The following SERPINB9 variants were observed in gnomAD, a reference collection of about 807,000 sequenced individuals.
SERPINB9 encodes the protein serpin B9.
A neutral mutation model predicts 27.2 loss-of-function variants in SERPINB9; 20 were observed. The ratio of observed to expected loss-of-function variants is 0.74; its 90% CI spans 0.52 to 1.07. SERPINB9 has a LOEUF of 1.07. SERPINB9 is among the 50% of genes least tolerant of loss of function. SERPINB9 has a pLI of 0.00. For missense variants in SERPINB9, 476 were observed against 460.1 expected (o/e 1.03, Z -0.32); for synonymous variants, 189 against 180.0 (o/e 1.05, Z -0.40).
chr6:2,895,664 G>A (rs1018503237), intron 3 of SERPINB9, among the ~76,000 whole-genome samples, 156 bp from the exon 4 acceptor site: 1 of 152,104 alleles, frequency 6.6e-6, no homozygotes, highest in African/African-American at 2.4e-5. Context: ...ATCAGAGTTT[G>A]TGAATAGGTA....
intron 2 of SERPINB9, 105 bp downstream of exon 2, chr6:2,900,339 C>T: frequency 7.1e-7 from 1 of 1,414,318 alleles, no homozygotes; most frequent in Non-Finnish European, 9.7e-7. Context: ...ACTCGGGCCC[C>T]AGTCCTGCCC....
intron 2 of SERPINB9, among the ~76,000 whole-genome samples, chr6:2,898,294 C>A (rs975788627): frequency 6.6e-6 from 1 of 152,108 alleles, no homozygotes; most frequent in Non-Finnish European, 1.5e-5. Flanking sequence ...ACTAAATTTA[C>A]TTTAGACAGC....
intron 2 of SERPINB9, among the ~76,000 whole-genome samples, chr6:2,896,711 A>G (rs778074559): frequency 1.3e-5 from 2 of 152,266 alleles, no homozygotes; most frequent in Non-Finnish European, 2.9e-5. Flanking sequence ...AGAATTATAT[A>G]GATCATATTC....
chr6:2,900,279 G>A (rs1369964503), intron 2 of SERPINB9, among the ~76,000 whole-genome samples, 165 bp downstream of exon 2: 1 of 151,954 alleles, frequency 6.6e-6, no homozygotes, highest in East Asian at 1.9e-4. Context: ...TCCCTGCCCT[G>A]CCCCACTTCT....
intron 2 of SERPINB9, among the ~76,000 whole-genome samples, chr6:2,899,463 G>T (rs982143828): frequency 1.3e-5 from 2 of 152,114 alleles, no homozygotes; most frequent in Middle Eastern, 3.2e-3. Flanking sequence ...CATCACCTTC[G>T]TTATTGATCT....
chr6:2,889,973 G>A lies in SERPINB9; in HGVS notation c.*190C>T. Reference sequence around the variant, plus strand: ...GAATCATTATGGTCTATTTTCTCAAGATTCTGATTAAGTAGCATAAGCGAG... The same window carrying A: ...GAATCATTATGGTCTATTTTCTCAAAATTCTGATTAAGTAGCATAAGCGAG... On this transcript the variant is annotated 3_prime_UTR_variant, in exon 7 of 7. Coordinates refer to ENST00000380698, the MANE Select transcript of SERPINB9 (RefSeq NM_004155.6). 2.0e-6 allele frequency: 1 copy of A among 498,922 alleles called. No homozygotes were observed. Among genetic ancestry groups the A allele is most frequent in the African/African-American group, 1.9e-5 (1 of 53,160 alleles). The allele number at this position is 498,922 out of a possible 1,614,324, so 30.9% of individuals were successfully genotyped here.
chr6:2,887,488 A>G lies in SERPINB9; in HGVS notation c.*2675T>C, dbSNP rs1767637513. On this transcript the variant is annotated 3_prime_UTR_variant, in exon 7 of 7. Transcript: ENST00000380698. ...CATAGAACACTTTCACCACTAATAAAAGAAATGCAATAAGTATCTGCATAT... is the reference window on the plus strand; with the variant it reads ...CATAGAACACTTTCACCACTAATAAGAGAAATGCAATAAGTATCTGCATAT... 1 of 152,218 alleles carries G rather than the reference A, an allele frequency of 6.6e-6. No individual in the cohort carries two copies. Among genetic ancestry groups the G allele is most frequent in the Admixed American group, 6.5e-5 (1 of 15,286 alleles). The allele number at this position is 152,218 out of a possible 1,614,324, so 9.4% of individuals were successfully genotyped here.
intron 2 of SERPINB9, among the ~76,000 whole-genome samples, chr6:2,897,468 AAAAC>A (rs143073430): frequency 1.7e-4 from 26 of 152,320 alleles, no homozygotes; most frequent in East Asian, 1.2e-3. Flanking sequence ...TCCTTCTCAA[AAAAC>A]AAACAAACAA....
chr6:2,900,450 C>T lies in SERPINB9; in HGVS notation c.162G>A (p.Met54Ile), dbSNP rs770178689. The T allele has an allele frequency of 5.5e-5, 88 of 1,613,838 alleles. No individual in the cohort carries two copies. The highest frequency in any genetic ancestry group is 7.4e-5 in the Non-Finnish European group (87 of 1,179,976). The change falls in exon 2 of 7, where the codon ATG becomes ATA. Residue 54 changes from methionine to isoleucine, a missense_variant. Transcript: ENST00000380698. Reference protein sequence around the residue: ...LGAKGNTATQMAQALSLNTEE... With the variant: ...LGAKGNTATQIAQALSLNTEE... ...GGCGGACGGGCAAGCTTACCTGGGC[C>T]ATCTGGGTTGCGGTGTTTCCCTTTG... is the stretch of plus-strand genomic sequence containing the variant.
intron 2 of SERPINB9, among the ~76,000 whole-genome samples, chr6:2,896,859 G>T (rs1768016260): frequency 6.6e-6 from 1 of 152,094 alleles, no homozygotes; most frequent in Non-Finnish European, 1.5e-5. Flanking sequence ...ACTTTTCTAG[G>T]CCAGGCACAG....
intron 1 of SERPINB9, among the ~76,000 whole-genome samples, chr6:2,900,887 A>T (rs2580114): frequency 1.4e-3 from 56 of 41,286 alleles, no homozygotes; most frequent in East Asian, 4.5e-3. Flanking sequence ...TCGCTCTCTC[A>T]CACACACACA....
In SERPINB9 at chr6:2,893,409, A is replaced by C. The variant is rs867963356; in HGVS notation, c.567+2T>G. On this transcript the variant is annotated splice_donor_variant, in intron 5 of 6. Transcript: ENST00000380698. LOFTEE classifies it high-confidence loss of function. ...AGCAGGATTTTAAAAAGCTTCCCCC[A>C]CCTGGTTTATTTTAAAGGGCATTTC... 6.3e-7 allele frequency: 1 copy of C among 1,599,170 alleles called. No individual in the cohort carries two copies. The highest frequency in any genetic ancestry group is 1.3e-5 in the African/African-American group (1 of 74,266).
intron 2 of SERPINB9, among the ~76,000 whole-genome samples, chr6:2,898,152 A>G (rs1321231289): frequency 6.6e-6 from 1 of 152,136 alleles, no homozygotes; most frequent in Non-Finnish European, 1.5e-5. Context: ...AAAAAAAAAT[A>G]AGAGGGAGAG....
In SERPINB9 at chr6:2,890,429, T is replaced by C. The variant is rs761548560; in HGVS notation, c.865A>G (p.Ile289Val). ...DMESVLRHLGIVDAFQQGKAD... is the reference protein window; with the variant it reads ...DMESVLRHLGVVDAFQQGKAD... Reference sequence around the variant, plus strand: ...TTGCCCTGTTGGAAGGCATCAACAATTCCCAAATGCCGAAGCACAGATTCC... The same window carrying C: ...TTGCCCTGTTGGAAGGCATCAACAACTCCCAAATGCCGAAGCACAGATTCC... The change falls in exon 7 of 7, where the codon ATT becomes GTT. Residue 289 changes from isoleucine (I) to valine (V), a missense_variant. Transcript: ENST00000380698. This position sits in a 1 kb window ranked among gnomAD's most constrained non-coding sequence, Gnocchi z 6.2. 1.1e-5 allele frequency: 18 copies of C among 1,614,090 alleles called. No homozygotes were observed. The highest frequency in any genetic ancestry group is 6.7e-5 in the Admixed American group (4 of 60,004).
chr6:2,895,463 C>T lies in SERPINB9; in HGVS notation c.352G>A (p.Glu118Lys), dbSNP rs1264599935. The change falls in exon 4 of 7, where the codon GAG (glutamate) becomes AAG (lysine). Residue 118 changes from glutamate (E) to lysine (K), a missense_variant. Transcript: ENST00000380698. ...CLQFYHAELK[E>K]LSFIRAAEES... The stretch of plus-strand genomic sequence containing the variant: ...TCTGCAGCTCTGATAAAGGAAAGCT[C>T]CTTCAGCTCAGCATGGTAGAATTGA... 3.7e-6 allele frequency: 6 copies of T among 1,613,656 alleles called. No homozygotes were observed. The highest frequency in any genetic ancestry group is 1.7e-5 in the Admixed American group (1 of 59,872).
chr6:2,894,193 T>C lies in SERPINB9; in HGVS notation c.425-640A>G. On this transcript the variant is annotated intron_variant, in intron 4 of 6. Transcript: ENST00000380698. This position sits in a 1 kb window ranked among gnomAD's most constrained non-coding sequence, Gnocchi z 4.7. ...CACTGCCTGAAGAGAGCATCCGTGG[T>C]AAATACTCCAAGCAGGAATGCGGGA... Among the ~76,000 whole-genome samples the C allele has an allele frequency of 6.6e-6, 1 of 152,124 alleles. No individual in the cohort carries two copies. The highest frequency in any genetic ancestry group is 2.1e-4 in the South Asian group (1 of 4,820).
At chr6:2,896,911 A>T (rs965439165) in intron 2 of SERPINB9, among the ~76,000 whole-genome samples, 1 of 149,622 alleles carries the variant, frequency 6.7e-6, no homozygotes, top group Non-Finnish European at 1.5e-5. Flanking sequence ...AGGCCAAGGC[A>T]GGAGGATTGT....
chr6:2,890,483 T>C lies in SERPINB9; in HGVS notation c.811A>G (p.Lys271Glu). 1 of 1,614,168 alleles carries C rather than the reference T, an allele frequency of 6.2e-7. No individual in the cohort carries two copies. Among genetic ancestry groups the C allele is most frequent in the Admixed American group, 1.7e-5 (1 of 60,030 alleles). Residue 271 changes from lysine (K) to glutamate (E), a missense_variant, in exon 7 of 7, where the codon AAA becomes GAA. Coordinates refer to ENST00000380698, the MANE Select transcript of SERPINB9 (RefSeq NM_004155.6). This position sits in a 1 kb window ranked among gnomAD's most constrained non-coding sequence, Gnocchi z 6.2. ...TCATAATCCTCTTGTAGTTTAAATTTTGGAAGGAGAACTTCAACCTCAGTA... is the reference window on the plus strand; with the variant it reads ...TCATAATCCTCTTGTAGTTTAAATTCTGGAAGGAGAACTTCAACCTCAGTA... ...KSTEVEVLLP[K>E]FKLQEDYDME...
chr6:2,897,745 T>TA (rs1310126203), intron 2 of SERPINB9, among the ~76,000 whole-genome samples: 1 of 151,922 alleles, frequency 6.6e-6, no homozygotes, highest in Non-Finnish European at 1.5e-5. Context: ...CACACATACA[T>TA]ACAAAACAGA....
Sources: allele counts gnomAD v4.1 joint callset (sites outside exome capture counted in the v4.1 genomes callset), GRCh38; gene constraint gnomAD v4.1.1; non-coding constraint Gnocchi (gnomAD v3.1); transcripts MANE v1.5; gene names NCBI Gene and HGNC (gene_info 2026-07-23, HGNC 2026-07-21).